ANO4: variants seen among roughly 807,000 people sequenced by gnomAD.
The protein encoded by ANO4 is anoctamin 4.
In ANO4, 69 loss-of-function variants were observed where a neutral mutation model predicts 141.9. The ratio of observed to expected loss-of-function variants is 0.49; its 90% confidence interval spans 0.40 to 0.59. The LOEUF (loss-of-function observed/expected upper bound fraction) is 0.59. Among genes scored for constraint, ANO4 ranks in the 20% least tolerant of loss-of-function variants. ANO4 has a pLI of 0.00. For missense variants in ANO4, 894 were observed against 1,162.2 expected (o/e 0.77, Z 3.36); for synonymous variants, 350 against 394.3 (o/e 0.89, Z 1.33).
intron 12 of ANO4, among the ~76,000 whole-genome samples, chr12:101,042,746 G>C (rs2047458493): frequency 6.6e-6 from 1 of 152,134 alleles, no homozygotes; most frequent in Admixed American, 6.5e-5. Flanking sequence ...GGCTATAAGT[G>C]CTCTCTTTTT....
intron 1 of ANO4, among the ~76,000 whole-genome samples, chr12:100,796,755 A>G (rs576109193): frequency 1.3e-5 from 2 of 152,314 alleles, no homozygotes; most frequent in African/African-American, 2.4e-5. Context: ...TTTGACTGTC[A>G]GACTGCTCTG....
chr12:100,897,308 G>A (rs748491173), intron 1 of ANO4, among the ~76,000 whole-genome samples: 54 of 152,184 alleles, frequency 3.5e-4, no homozygotes, highest in Non-Finnish European at 6.3e-4. Flanking sequence ...GCTGAGGGAG[G>A]CAGCTAAGTT....
At chr12:100,820,011 C>A (rs1022358591) in intron 1 of ANO4, among the ~76,000 whole-genome samples, 4 of 151,910 alleles carry the variant, frequency 2.6e-5, no homozygotes, top group African/African-American at 4.8e-5. Flanking sequence ...TAAGTAAACT[C>A]TCTGCCCTTG....
chr12:100,989,372 G>C (rs1041108346), intron 8 of ANO4, among the ~76,000 whole-genome samples: 2 of 152,160 alleles, frequency 1.3e-5, no homozygotes, highest in Non-Finnish European at 1.5e-5. Context: ...TGTTCATCTT[G>C]GAAGTTTTTT....
chr12:100,864,622 C>T (rs2038659164), intron 1 of ANO4, among the ~76,000 whole-genome samples: 1 of 152,136 alleles, frequency 6.6e-6, no homozygotes, highest in African/African-American at 2.4e-5. Flanking sequence ...ATAAGCCCTG[C>T]TTTTGCCTCA....
chr12:100,824,686 T>C (rs2036234771), intron 1 of ANO4, among the ~76,000 whole-genome samples: 1 of 152,046 alleles, frequency 6.6e-6, no homozygotes, highest in African/African-American at 2.4e-5. Flanking sequence ...AAAGCAACAT[T>C]GGCAGCCAGT....
intron 7 of ANO4, among the ~76,000 whole-genome samples, chr12:100,984,687 C>A (rs934046378): frequency 6.6e-6 from 1 of 152,268 alleles, no homozygotes; most frequent in Admixed American, 6.5e-5. Context: ...ACAGCTGAGG[C>A]GCAAGAGAGC....
chr12:101,108,609 C>CTT (rs144556276), intron 22 of ANO4, among the ~76,000 whole-genome samples: 1,918 of 152,140 alleles, frequency 0.013, 40 homozygotes, highest in African/African-American at 0.043. Flanking sequence ...GTTGTTGTTA[C>CTT]TTTCTAAAAT....
chr12:101,066,402 T>G (rs1440301215), intron 14 of ANO4, among the ~76,000 whole-genome samples: 1 of 152,210 alleles, frequency 6.6e-6, no homozygotes, highest in Non-Finnish European at 1.5e-5. Context: ...GCTGATACAT[T>G]CAGTGAAGTT....
chr12:101,043,073 G>A (rs867072708), intron 12 of ANO4, among the ~76,000 whole-genome samples: 1 of 152,204 alleles, frequency 6.6e-6, no homozygotes, highest in South Asian at 2.1e-4. Flanking sequence ...TGGTGAAATT[G>A]TTAATGTGTT....
intron 1 of ANO4, among the ~76,000 whole-genome samples, chr12:100,821,371 T>A (rs1304268417): frequency 6.6e-6 from 1 of 152,072 alleles, no homozygotes; most frequent in Non-Finnish European, 1.5e-5. Context: ...TAAACAGGTA[T>A]GTCCAGAATA....
intron 3 of ANO4, among the ~76,000 whole-genome samples, chr12:100,776,553 C>G (rs1261867756): frequency 1.3e-5 from 2 of 152,254 alleles, no homozygotes; most frequent in Non-Finnish European, 2.9e-5. Flanking sequence ...GTTGAGATCT[C>G]TTTTGTGGAC....
intron 25 of ANO4, among the ~76,000 whole-genome samples, chr12:101,119,197 C>T (rs147276101): frequency 0.033 from 5,019 of 152,040 alleles, 284 homozygotes; most frequent in African/African-American, 0.11. Flanking sequence ...AGTGGCTCAC[C>T]CTGTAATCCC....
At chr12:101,082,227 G>A (rs1681095) in intron 15 of ANO4, among the ~76,000 whole-genome samples, 27,924 of 152,010 alleles carry the variant, frequency 0.18, 3,394 homozygotes, top group East Asian at 0.53. Context: ...TTTATAAAGG[G>A]GACATCCCCT....
In ANO4 at chr12:100,971,411, G is replaced by A. The variant is rs750040458; in HGVS notation, c.557+5G>A. ...GAATGTAAGAATGCCTTTCAGGTAG[G>A]TGGAAATGTATTTTATTCCACTCTC... On this transcript the variant is annotated splice_donor_5th_base_variant and intron_variant, in intron 6 of 27. Coordinates refer to ENST00000392977, the MANE Select transcript of ANO4 (RefSeq NM_001286615.2). The A allele has an allele frequency of 6.4e-7, 1 of 1,574,760 alleles. No individual in the cohort carries two copies. Among genetic ancestry groups the A allele is most frequent in the Non-Finnish European group, 8.7e-7 (1 of 1,146,476 alleles).
rs138081427 is a variant in ANO4 at position 100,772,406 on chromosome 12, C to T, written c.358+32301C>T. Among the ~76,000 whole-genome samples, 341 of 152,276 alleles carry T rather than the reference C, an allele frequency of 2.2e-3. 2 individuals carry two copies. Among genetic ancestry groups the T allele is most frequent in the Non-Finnish European group, 3.9e-3 (265 of 68,036 alleles). On this transcript the variant is annotated intron_variant, in intron 3 of 29. Transcript: ENST00000644049. ...TGCCTCTACTGCTTCTACTCCTCTG[C>T]CTGGCACATTACATCCCCTCACCGC... is the stretch of plus-strand genomic sequence containing the variant.
chr12:100,760,789 A>C (rs1050798504), intron 3 of ANO4, among the ~76,000 whole-genome samples: 3 of 152,202 alleles, frequency 2.0e-5, no homozygotes, highest in Admixed American at 1.3e-4. Flanking sequence ...CCAGCCCAAG[A>C]GGTGAGAAAT....
intron 7 of ANO4, among the ~76,000 whole-genome samples, chr12:100,983,182 T>G (rs2044560289): frequency 6.6e-6 from 1 of 152,122 alleles, no homozygotes; most frequent in Non-Finnish European, 1.5e-5. Flanking sequence ...GATAGACTCT[T>G]GTTCCCAGAG....
At chr12:100,742,122 T>C (rs2031894432) in intron 3 of ANO4, among the ~76,000 whole-genome samples, 1 of 152,184 alleles carries the variant, frequency 6.6e-6, no homozygotes. Context: ...CTGCTTATTA[T>C]TATTCTTACT....
Sources: gnomAD v4.1 joint callset for allele counts (sites outside exome capture counted in the v4.1 genomes callset) on GRCh38, gnomAD v4.1.1 for gene constraint, MANE v1.5 for transcripts, NCBI Gene and HGNC (gene_info 2026-07-23, HGNC 2026-07-21) for gene names.